CSTL1: variants seen among roughly 807,000 people sequenced by gnomAD.
The protein encoded by CSTL1 is cystatin like 1, also known as cystatin-like 1.
A neutral mutation model predicts 14.4 loss-of-function variants in CSTL1; 14 were observed. The ratio of observed to expected loss-of-function variants is 0.97; its 90% CI spans 0.64 to 1.52. The LOEUF (loss-of-function observed/expected upper bound fraction) is 1.52, where lower values mean the gene tolerates loss of function less well. Ranked by LOEUF, CSTL1 falls within the 40% of genes most tolerant of loss-of-function variation. The probability of loss-of-function intolerance (pLI) is 0.00; values close to 1 mark genes in which losing one functional copy is unlikely to be tolerated. For synonymous variants in CSTL1, 72 were observed against 67.5 expected (o/e 1.07, Z -0.33); for missense variants, 170 against 168.7 (o/e 1.01, Z -0.04).
chr20:23,443,527 A>G (rs1986887215), intron 2 of CSTL1, among the ~76,000 whole-genome samples: 1 of 149,468 alleles, frequency 6.7e-6, no homozygotes, highest in Admixed American at 6.6e-5. Flanking sequence ...TAGGTTGGTC[A>G]GGAAGGATAG....
In CSTL1 at chr20:23,439,742, C is replaced by A. The variant is rs200158616; in HGVS notation, c.-189C>A. The A allele has an allele frequency of 1.2e-5, 2 of 162,656 alleles. No homozygotes were observed. The highest frequency in any genetic ancestry group is 1.1e-4 in the Admixed American group (2 of 17,586). The allele number at this position is 162,656 out of a possible 1,614,324, so 10.1% of individuals were successfully genotyped here. ...GCGGGCGGCAGGTGAGCAAGGAGAA[C>A]GTGTCTGTAAAGGAAGCACAGGGAA... On this transcript the variant is annotated 5_prime_UTR_variant, in exon 1 of 4. Coordinates refer to ENST00000347397, the MANE Select transcript of CSTL1 (RefSeq NM_138283.1).
the CSTL1 span, chr20:23,452,749 G>A: frequency 1.2e-6 from 2 of 1,614,138 alleles, no homozygotes; most frequent in Non-Finnish European, 1.7e-6. Flanking sequence ...GGTAGGGGAG[G>A]GCCATCAGAG....
chr20:23,454,961 G>A, the CSTL1 span, among the ~76,000 whole-genome samples: 1 of 152,188 alleles, frequency 6.6e-6, no homozygotes, highest in African/African-American at 2.4e-5. Flanking sequence ...ATTGTTGTTT[G>A]AGACATAGAG....
At chr20:23,460,032 A>C in the CSTL1 span, among the ~76,000 whole-genome samples, 1 of 152,222 alleles carries the variant, frequency 6.6e-6, no homozygotes, top group African/African-American at 2.4e-5. Flanking sequence ...ACTTCTGTTT[A>C]TACTTCCCCA....
Position 23,443,971 on chromosome 20 carries a change from T to C in CSTL1, c.257T>C (p.Ile86Thr), listed in dbSNP as rs139583699. The C allele has an allele frequency of 9.8e-4, 1,577 of 1,614,124 alleles. 5 individuals are homozygous for C. In the Middle Eastern group the frequency reaches 0.03, roughly 31 times the overall value. ...TGVEYIVTVK[I>T]GWTKCKRNDT... ...GTGGAGTATATAGTCACTGTGAAGA[T>C]TGGCTGGACCAAATGCAAGAGGAAT... Residue 86 changes from isoleucine to threonine, a missense_variant, in exon 3 of 4, where the codon ATT becomes ACT. Coordinates refer to ENST00000347397, the MANE Select transcript of CSTL1 (RefSeq NM_138283.1).
the CSTL1 span, among the ~76,000 whole-genome samples, chr20:23,457,362 A>T: frequency 1.3e-5 from 2 of 152,130 alleles, no homozygotes; most frequent in Non-Finnish European, 1.5e-5. Flanking sequence ...TGAGCAATTC[A>T]GGTGGCTTCT....
the CSTL1 span, among the ~76,000 whole-genome samples, chr20:23,453,910 TAC>T: frequency 6.6e-6 from 1 of 151,596 alleles, no homozygotes; most frequent in South Asian, 2.1e-4. Context: ...TACACATACC[TAC>T]ACACACAGTC....
At chr20:23,459,189 A>G in the CSTL1 span, 4 of 152,098 alleles carry the variant, frequency 2.6e-5, no homozygotes, top group Non-Finnish European at 5.9e-5. Flanking sequence ...ACTTCTATCA[A>G]AACATGCAAG....
chr20:23,445,692 A>G (rs1161484804), downstream of CSTL1, among the ~76,000 whole-genome samples: 1 of 152,028 alleles, frequency 6.6e-6, no homozygotes. Flanking sequence ...GGGGAGCCCT[A>G]TTTCTTCCCA....
chr20:23,446,620 G>A (rs973450513), downstream of CSTL1, among the ~76,000 whole-genome samples: 3 of 152,180 alleles, frequency 2.0e-5, no homozygotes, highest in African/African-American at 7.2e-5. Context: ...TGCACACTGA[G>A]TCATTGAGCC....
chr20:23,449,527 G>A (rs1987032118), downstream of CSTL1, among the ~76,000 whole-genome samples: 3 of 152,266 alleles, frequency 2.0e-5, no homozygotes, highest in South Asian at 6.2e-4. Context: ...CTTTCTTACT[G>A]GATGTGAAGG....
At chr20:23,441,922 G>T (rs371936672) in intron 2 of CSTL1, among the ~76,000 whole-genome samples, 1 of 152,188 alleles carries the variant, frequency 6.6e-6, no homozygotes, top group Non-Finnish European at 1.5e-5. Flanking sequence ...GGAGGGCAGC[G>T]TGGGGAGGAC....
chr20:23,449,680 G>A (rs910115709), downstream of CSTL1, among the ~76,000 whole-genome samples: 2 of 152,148 alleles, frequency 1.3e-5, no homozygotes, highest in African/African-American at 4.8e-5. Flanking sequence ...CGTGGCTGCT[G>A]TGCCTTCTGT....
At chr20:23,449,794 T>A (rs1357395762), downstream of CSTL1, among the ~76,000 whole-genome samples, 1 of 152,168 alleles carries the variant, frequency 6.6e-6, no homozygotes, top group Non-Finnish European at 1.5e-5. Flanking sequence ...AAGAATGAAC[T>A]GGGCATTGTC....
At chr20:23,460,038 C>CT in the CSTL1 span, among the ~76,000 whole-genome samples, 1 of 152,210 alleles carries the variant, frequency 6.6e-6, no homozygotes, top group Non-Finnish European at 1.5e-5. Flanking sequence ...GTTTATACTT[C>CT]CCCAGCTTGT....
chr20:23,448,173 A>G (rs903515888), downstream of CSTL1, among the ~76,000 whole-genome samples: 1 of 152,124 alleles, frequency 6.6e-6, no homozygotes, highest in African/African-American at 2.4e-5. Flanking sequence ...GTGTATTTCT[A>G]TCTCTTTAAA....
downstream of CSTL1, among the ~76,000 whole-genome samples, chr20:23,446,422 A>AT (rs1454643777): frequency 2.0e-5 from 3 of 151,740 alleles, no homozygotes; most frequent in South Asian, 2.1e-4. Context: ...CGCCCAGCTA[A>AT]TTTTTTTGTA....
the CSTL1 span, among the ~76,000 whole-genome samples, chr20:23,453,607 C>T: frequency 4.6e-5 from 7 of 152,124 alleles, no homozygotes; most frequent in East Asian, 1.9e-4. Context: ...TTGTGTCCCA[C>T]GGCACACAGA....
the CSTL1 span, among the ~76,000 whole-genome samples, chr20:23,454,406 C>A: frequency 0.011 from 1,726 of 151,782 alleles, 37 homozygotes; most frequent in African/African-American, 0.039. Context: ...ATAGACACAC[C>A]CCCCCACGCA....
Sources: gnomAD v4.1 joint callset for allele counts (sites outside exome capture counted in the v4.1 genomes callset) on GRCh38, gnomAD v4.1.1 for gene constraint, MANE v1.5 for transcripts, NCBI Gene and HGNC (gene_info 2026-07-23, HGNC 2026-07-21) for gene names.